STRN3: variants seen among roughly 807,000 people sequenced by gnomAD.
STRN3 encodes the protein striatin-3.
STRN3 carries 29 observed loss-of-function variants against 95.6 expected under a neutral mutation model. That is an observed-to-expected ratio of 0.30 (90% CI 0.23 to 0.41). The LOEUF is 0.41. STRN3 is among the 10% of genes least tolerant of loss of function. STRN3 has a pLI of 1.00. For synonymous variants in STRN3, 331 were observed against 357.6 expected, an observed-to-expected ratio of 0.93 and a Z score of 0.84; for missense variants, 890 against 972.1, an observed-to-expected ratio of 0.92 and a Z score of 1.12.
intron 8 of STRN3, among the ~76,000 whole-genome samples, chr14:30,924,437 A>C (rs913563619): frequency 1.2e-4 from 18 of 151,728 alleles, no homozygotes; most frequent in African/African-American, 4.4e-4. Context: ...TACAGGCATG[A>C]GCCACCACGC....
intron 9 of STRN3, among the ~76,000 whole-genome samples, chr14:30,918,353 A>T (rs1896792265): frequency 6.6e-6 from 1 of 151,978 alleles, no homozygotes; most frequent in Admixed American, 6.6e-5. Context: ...CTAAAAATAC[A>T]AAAAATTGGC....
chr14:30,964,052 G>A (rs1880348040), intron 1 of STRN3, among the ~76,000 whole-genome samples: 1 of 152,138 alleles, frequency 6.6e-6, no homozygotes, highest in Non-Finnish European at 1.5e-5. Flanking sequence ...AGGAGTTCGA[G>A]ATCAACCTGG....
At chr14:30,962,184 A>G (rs1880240859) in intron 1 of STRN3, among the ~76,000 whole-genome samples, 1 of 152,232 alleles carries the variant, frequency 6.6e-6, no homozygotes, top group Non-Finnish European at 1.5e-5. Context: ...TAAAAAGTAA[A>G]AATAAATCAA....
intron 1 of STRN3, among the ~76,000 whole-genome samples, chr14:30,978,566 TCTC>T (rs1881229448): frequency 6.6e-6 from 1 of 152,282 alleles, no homozygotes; most frequent in Admixed American, 6.5e-5. Context: ...AAGGCAAGGA[TCTC>T]CTCTTTCATC....
Position 30,989,458 on chromosome 14 carries a change from TTTTA to T in STRN3, c.283-33220_283-33217del, listed in dbSNP as rs1162869308. Among the ~76,000 whole-genome samples the T allele has an allele frequency of 3.3e-5, 5 of 151,962 alleles. No homozygotes were observed. In the East Asian group the frequency reaches 7.7e-4, roughly 23 times the overall value. On this transcript the variant is annotated intron_variant, in intron 1 of 17. Coordinates refer to ENST00000357479, the MANE Select transcript of STRN3 (RefSeq NM_001083893.2). The stretch of plus-strand genomic sequence containing the variant: ...CAAAACAGTCATTTAAACACAGGAT[TTTTA>T]TTTATTTATTTATTTTGAGATGGAG...
At chr14:30,978,926 C>CAGG (rs957851375) in intron 1 of STRN3, among the ~76,000 whole-genome samples, 3 of 149,918 alleles carry the variant, frequency 2.0e-5, no homozygotes, top group African/African-American at 7.4e-5. Context: ...CCCAGCTACT[C>CAGG]AGGAGGCTGA....
At position 30,991,896 on chromosome 14, in the gene STRN3, G is replaced by C. The variant is rs908604147; in HGVS notation, c.282+34008C>G. ...TGGCCAGGAGTCCAAGACCAGCCTA[G>C]TCAACATAGCAAGACCCCTTCTCTA... On this transcript the variant is annotated intron_variant, in intron 1 of 17. Transcript: ENST00000357479. Among the ~76,000 whole-genome samples the C allele has an allele frequency of 1.3e-4, 19 of 148,676 alleles. 1 individual carries two copies. The highest frequency in any genetic ancestry group is 4.5e-4 in the African/African-American group (18 of 40,382).
chr14:30,907,099 T>C (rs2138972390), intron 13 of STRN3, 55 bp from the exon 14 acceptor site: 1 of 1,576,086 alleles, frequency 6.3e-7, no homozygotes, highest in Non-Finnish European at 8.6e-7. Flanking sequence ...AAAAGAAACT[T>C]TGATACATAA....
At chr14:30,961,700 T>C (rs1403604020) in intron 1 of STRN3, among the ~76,000 whole-genome samples, 1 of 152,208 alleles carries the variant, frequency 6.6e-6, no homozygotes, top group Non-Finnish European at 1.5e-5. Context: ...CAGATCACTG[T>C]ACCCTCTAAG....
intron 9 of STRN3, among the ~76,000 whole-genome samples, chr14:30,915,325 T>C (rs1479841688): frequency 6.6e-6 from 1 of 152,198 alleles, no homozygotes; most frequent in Non-Finnish European, 1.5e-5. Context: ...TATCTTGTTA[T>C]TTTATTATTT....
At chr14:31,014,489 G>A (rs1306450800) in intron 1 of STRN3, among the ~76,000 whole-genome samples, 1 of 152,064 alleles carries the variant, frequency 6.6e-6, no homozygotes, top group Non-Finnish European at 1.5e-5. Flanking sequence ...AAAAGTGCTG[G>A]GATTACAGGC....
intron 8 of STRN3, among the ~76,000 whole-genome samples, chr14:30,921,232 A>G (rs943619946): frequency 9.2e-5 from 14 of 152,210 alleles, no homozygotes; most frequent in Admixed American, 6.5e-4. Flanking sequence ...GTAACATAAA[A>G]TGACTTTATT....
At chr14:30,996,547 C>G (rs1882205357) in intron 1 of STRN3, among the ~76,000 whole-genome samples, 1 of 152,192 alleles carries the variant, frequency 6.6e-6, no homozygotes, top group South Asian at 2.1e-4. Context: ...GGCCTGTAAG[C>G]CATACTTTGA....
At chr14:30,975,284 T>C (rs761701281) in intron 1 of STRN3, among the ~76,000 whole-genome samples, 2 of 151,102 alleles carry the variant, frequency 1.3e-5, no homozygotes, top group African/African-American at 2.4e-5. Flanking sequence ...AGACCATTAT[T>C]CTAAATGAAG....
chr14:30,967,923 G>A (rs948444222), intron 1 of STRN3, among the ~76,000 whole-genome samples: 1 of 152,110 alleles, frequency 6.6e-6, no homozygotes, highest in African/African-American at 2.4e-5. Flanking sequence ...GGGTGACTGG[G>A]GTGGTGGGGG....
At chr14:30,989,894 TTG>T (rs1364542843) in intron 1 of STRN3, among the ~76,000 whole-genome samples, 1 of 152,012 alleles carries the variant, frequency 6.6e-6, no homozygotes, top group Admixed American at 6.5e-5. Flanking sequence ...TTAATATGAA[TTG>T]TCTGTCATCA....
chr14:30,929,967 A>AAAAAAAAAAAAACAAAAAAAAC (rs1555317337), intron 7 of STRN3, among the ~76,000 whole-genome samples: 2 of 91,120 alleles, frequency 2.2e-5, no homozygotes, highest in Non-Finnish European at 2.3e-5. Flanking sequence ...AAAAAAAAAA[A>AAAAAAAAAAAAACAAAAAAAAC]AAAAAAAAAA....
In STRN3 at chr14:30,895,560, A is replaced by G. The variant is rs1896120079; in HGVS notation, c.2245T>C (p.Leu749=). 6.2e-7 allele frequency: 1 copy of G among 1,613,814 alleles called. No homozygotes were observed. The highest frequency in any genetic ancestry group is 8.5e-7 in the Non-Finnish European group (1 of 1,179,826). The change falls in exon 18 of 18, where the codon TTA becomes CTA. Residue 749 remains leucine (L), a synonymous_variant. Transcript: ENST00000357479. ...MSGSHDCSIR[L]WNLDSKTCVQ... is the part of the protein sequence containing the mutation. ...CATGTCTTGCTGTCTAAATTCCATA[A>G]TCTGATGGAACAGTCATGGCCTGTA...
chr14:30,950,557 A>G (rs990904087), intron 4 of STRN3, among the ~76,000 whole-genome samples: 2 of 152,194 alleles, frequency 1.3e-5, no homozygotes, highest in African/African-American at 4.8e-5. Context: ...CACTGAAAAG[A>G]AATGTGTGAA....
Sources: allele counts gnomAD v4.1 joint callset (sites outside exome capture counted in the v4.1 genomes callset), GRCh38; gene constraint gnomAD v4.1.1; transcripts MANE v1.5; gene names NCBI Gene and HGNC (gene_info 2026-07-23, HGNC 2026-07-21).